GALNTL6: variants seen among roughly 807,000 people sequenced by gnomAD.
GALNTL6 encodes polypeptide N-acetylgalactosaminyltransferase-like 6.
A neutral mutation model predicts 73.7 loss-of-function variants in GALNTL6; 46 were observed. The ratio of observed to expected loss-of-function variants is 0.62; its 90% CI spans 0.49 to 0.80. The LOEUF (loss-of-function observed/expected upper bound fraction) is 0.80. GALNTL6 is among the 30% of genes least tolerant of loss of function. The pLI is 0.00. For synonymous variants in GALNTL6, 259 were observed against 263.7 expected (o/e 0.98, Z 0.17); for missense variants, 604 against 755.0 (o/e 0.80, Z 2.34).
intron 2 of GALNTL6, among the ~76,000 whole-genome samples, chr4:171,940,573 A>G (rs332999): frequency 0.73 from 110,141 of 151,888 alleles, 41,015 homozygotes; most frequent in Admixed American, 0.84. Flanking sequence ...TGTGATTTCA[A>G]CATTTTGAGA....
intron 5 of GALNTL6, among the ~76,000 whole-genome samples, chr4:172,493,607 C>G (rs771863709): frequency 1.3e-5 from 2 of 151,994 alleles, no homozygotes; most frequent in East Asian, 1.9e-4. Flanking sequence ...TTATTCATAA[C>G]CTTAACTGAC....
At chr4:172,816,476 A>C (rs1741610100) in intron 7 of GALNTL6, among the ~76,000 whole-genome samples, 1 of 152,180 alleles carries the variant, frequency 6.6e-6, no homozygotes, top group South Asian at 2.1e-4. Context: ...AGAATGTTAT[A>C]CTAATGGGTA....
chr4:172,169,965 A>G (rs1734758483), intron 2 of GALNTL6, among the ~76,000 whole-genome samples: 1 of 152,230 alleles, frequency 6.6e-6, no homozygotes, highest in Admixed American at 6.5e-5. Context: ...TTTGACAGAA[A>G]GGAAAACTGA....
intron 3 of GALNTL6, among the ~76,000 whole-genome samples, chr4:172,251,030 C>T (rs906684894): frequency 1.3e-5 from 2 of 150,904 alleles, no homozygotes; most frequent in Non-Finnish European, 2.9e-5. Context: ...TTGTATTAGT[C>T]AGGGTTGTCC....
intron 5 of GALNTL6, among the ~76,000 whole-genome samples, chr4:172,672,733 C>T (rs995065306): frequency 6.6e-6 from 1 of 152,090 alleles, no homozygotes; most frequent in Non-Finnish European, 1.5e-5. Flanking sequence ...GATTCAGTTT[C>T]TTCCTGGTTC....
At chr4:172,873,984 G>A (rs1326156858) in intron 7 of GALNTL6, among the ~76,000 whole-genome samples, 1 of 152,200 alleles carries the variant, frequency 6.6e-6, no homozygotes, top group African/African-American at 2.4e-5. Context: ...TAAGATGAAG[G>A]AGTAATGTTT....
intron 2 of GALNTL6, among the ~76,000 whole-genome samples, chr4:171,900,874 T>C (rs1006146657): frequency 1.6e-5 from 2 of 121,834 alleles, no homozygotes; most frequent in African/African-American, 3.2e-5. Flanking sequence ...AACAGACTAA[T>C]AACTAAAATA....
chr4:172,222,765 A>G (rs1442032950), intron 2 of GALNTL6, among the ~76,000 whole-genome samples: 2 of 152,004 alleles, frequency 1.3e-5, no homozygotes, highest in Admixed American at 6.6e-5. Flanking sequence ...AGATACTGAT[A>G]TAAATACAAA....
At chr4:172,693,889 ATTAC>A (rs1733482358) in intron 5 of GALNTL6, among the ~76,000 whole-genome samples, 1 of 152,204 alleles carries the variant, frequency 6.6e-6, no homozygotes, top group African/African-American at 2.4e-5. Flanking sequence ...TTTTAATGGA[ATTAC>A]TTTTTATTCA....
intron 12 of GALNTL6, among the ~76,000 whole-genome samples, chr4:173,023,721 G>A (rs1467518814): frequency 6.6e-6 from 1 of 151,222 alleles, no homozygotes; most frequent in East Asian, 1.9e-4. Flanking sequence ...TAGAATGAAA[G>A]GAGCTCAGAA....
intron 7 of GALNTL6, among the ~76,000 whole-genome samples, chr4:172,821,620 T>C (rs1741934698): frequency 6.6e-6 from 1 of 152,202 alleles, no homozygotes. Context: ...TTCTGGTCTG[T>C]TTATAACAAG....
intron 7 of GALNTL6, among the ~76,000 whole-genome samples, chr4:172,850,719 A>C (rs563080664): frequency 1.3e-5 from 2 of 152,232 alleles, no homozygotes; most frequent in South Asian, 4.1e-4. Flanking sequence ...TGTACTTCCT[A>C]CTAGCCAGCA....
chr4:172,606,663 C>CATATATAG (rs796390494), intron 5 of GALNTL6, among the ~76,000 whole-genome samples: 2 of 38,552 alleles, frequency 5.2e-5, no homozygotes, highest in Non-Finnish European at 1.2e-4. Flanking sequence ...TATATATATA[C>CATATATAG]TATATATATA....
chr4:172,101,177 T>A (rs1027090726), intron 2 of GALNTL6, among the ~76,000 whole-genome samples: 1 of 152,086 alleles, frequency 6.6e-6, no homozygotes, highest in African/African-American at 2.4e-5. Flanking sequence ...TTCCCACTTC[T>A]AATCCCAAGA....
At chr4:172,533,119 C>T (rs540295648) in intron 5 of GALNTL6, among the ~76,000 whole-genome samples, 11 of 149,812 alleles carry the variant, frequency 7.3e-5, no homozygotes, top group African/African-American at 2.4e-4. Flanking sequence ...TCAAGCAATT[C>T]TCCTGCCTCA....
At chr4:172,679,559 T>C (rs953477261) in intron 5 of GALNTL6, among the ~76,000 whole-genome samples, 11 of 152,238 alleles carry the variant, frequency 7.2e-5, no homozygotes, top group African/African-American at 2.7e-4. Flanking sequence ...TACAGTGTTA[T>C]ATTTTTCTCT....
chr4:172,874,615 G>A (rs1267210359), intron 7 of GALNTL6, among the ~76,000 whole-genome samples: 3 of 152,260 alleles, frequency 2.0e-5, no homozygotes, highest in Middle Eastern at 3.4e-3. Context: ...GTGACACCCT[G>A]GGGCATCCAT....
chr4:172,866,276 G>A (rs976673787), intron 7 of GALNTL6, among the ~76,000 whole-genome samples: 1 of 152,202 alleles, frequency 6.6e-6, no homozygotes, highest in African/African-American at 2.4e-5. Context: ...TGGTGTGTGT[G>A]AGTGCATATA....
chr4:172,030,802 A>G (rs1741744288), intron 2 of GALNTL6, among the ~76,000 whole-genome samples: 1 of 148,772 alleles, frequency 6.7e-6, no homozygotes, highest in Non-Finnish European at 1.5e-5. Context: ...TTTCACACAC[A>G]TACATACACA....
Sources: allele counts gnomAD v4.1 joint callset (sites outside exome capture counted in the v4.1 genomes callset), GRCh38; gene constraint gnomAD v4.1.1; transcripts MANE v1.5; gene names NCBI Gene and HGNC (gene_info 2026-07-23, HGNC 2026-07-21).